The following PCDHGA1 variants were observed in gnomAD, a reference collection of about 807,000 sequenced individuals.
PCDHGA1 encodes the protein protocadherin gamma subfamily A, 1.
PCDHGA1 carries 32 observed loss-of-function variants against 58.0 expected under a neutral mutation model. That is an observed-to-expected ratio of 0.55 (90% CI 0.42 to 0.74). PCDHGA1 has a LOEUF of 0.74. Among genes scored for constraint, PCDHGA1 ranks in the 30% least tolerant of loss-of-function variants. PCDHGA1 has a pLI of 0.00. For synonymous variants in PCDHGA1, 498 were observed against 501.1 expected (o/e 0.99, Z 0.08); for missense variants, 1,205 against 1,182.3 (o/e 1.02, Z -0.28).
intron 1 of PCDHGA1, chr5:141,389,176 C>G (rs775758481): frequency 6.2e-7 from 1 of 1,614,064 alleles, no homozygotes; most frequent in South Asian, 1.1e-5. Flanking sequence ...CCTCCCCTCT[C>G]CTCCAGTTCC....
chr5:141,361,506 C>A (rs753696787), intron 1 of PCDHGA1: 2 of 1,614,046 alleles, frequency 1.2e-6, no homozygotes, highest in Non-Finnish European at 8.5e-7. Context: ...AGACTTCCTA[C>A]ATGGTTCACG....
At chr5:141,409,024 T>C (rs2095212064) in intron 1 of PCDHGA1, 2 of 1,613,988 alleles carry the variant, frequency 1.2e-6, no homozygotes, top group South Asian at 1.1e-5. Context: ...AGGGGGTCAA[T>C]GCTGAGATAA....
chr5:141,398,374 G>C (rs769693333), intron 1 of PCDHGA1: 3 of 1,438,680 alleles, frequency 2.1e-6, no homozygotes, highest in African/African-American at 1.4e-5. Flanking sequence ...AGAGAGCGGG[G>C]AGTTGCTTGT....
chr5:141,399,320 A>T (rs775357251), intron 1 of PCDHGA1: 2 of 1,614,010 alleles, frequency 1.2e-6, no homozygotes, highest in Non-Finnish European at 1.7e-6. Flanking sequence ...AAAAATTCGT[A>T]TAAGTTGGTA....
At chr5:141,348,065 T>A (rs1333454037) in intron 1 of PCDHGA1, among the ~76,000 whole-genome samples, 1 of 152,242 alleles carries the variant, frequency 6.6e-6, no homozygotes, top group Non-Finnish European at 1.5e-5. Flanking sequence ...TTTGTCATGT[T>A]CTACAACTTT....
rs780541121 is a variant in PCDHGA1 at position 141,477,533 on chromosome 5, G to T, written c.2422-17274G>T. ...TTACATTGAAGAAAACAACCTCCCCGGGGCTCCAATACTAAACCTAAGTGT... is the reference window on the plus strand; with the variant it reads ...TTACATTGAAGAAAACAACCTCCCCTGGGCTCCAATACTAAACCTAAGTGT... On this transcript the variant is annotated intron_variant, in intron 1 of 3. Coordinates refer to ENST00000517417, the MANE Select transcript of PCDHGA1 (RefSeq NM_018912.3). This position sits in a 1 kb window ranked among gnomAD's most constrained non-coding sequence, Gnocchi z 4.9. 6.2e-7 allele frequency: 1 copy of T among 1,614,010 alleles called. No homozygotes were observed. The highest frequency in any genetic ancestry group is 1.1e-5 in the South Asian group (1 of 91,066).
At chr5:141,506,351 A>G (rs1029519620) in intron 3 of PCDHGA1, among the ~76,000 whole-genome samples, 2 of 150,784 alleles carry the variant, frequency 1.3e-5, no homozygotes, top group African/African-American at 4.9e-5. Context: ...TGGGAGGCTG[A>G]GGCAGGAGAA....
rs1324577065 is a variant in PCDHGA1, at chr5:141,332,446, G to A, written c.1762G>A (p.Val588Met). 3.7e-6 allele frequency: 6 copies of A among 1,613,850 alleles called. No individual in the cohort carries two copies. The African/African-American group carries it at 8.0e-5, about 22-fold the overall frequency. ...CCTCTCCGCAGAGCCCGGCTACCTG[G>A]TGACCAAGGTGGTGGCGGTGGACAG... ...APLSAEPGYL[V>M]TKVVAVDRDS... Residue 588 changes from valine (V) to methionine (M), a missense_variant, in exon 1 of 4, where the codon GTG (valine) becomes ATG (methionine). Val to Met is a conservative substitution (Grantham distance 21). Coordinates refer to ENST00000517417, the MANE Select transcript of PCDHGA1 (RefSeq NM_018912.3). The surrounding 1 kb of genome is among the most constrained non-coding windows in gnomAD (Gnocchi z 4.6).
In PCDHGA1 at chr5:141,491,832, C is replaced by A; in HGVS notation, c.2422-2975C>A. On this transcript the variant is annotated intron_variant, in intron 1 of 3. Coordinates refer to ENST00000517417, the MANE Select transcript of PCDHGA1 (RefSeq NM_018912.3). The surrounding 1 kb of genome is among the most constrained non-coding windows in gnomAD (Gnocchi z 6.9). ...GTCGCTGGCTGCGCTCCACCCGATT[C>A]TCGGGATCATTGGACCGTTTGCGCG... 6.8e-7 allele frequency: 1 copy of A among 1,474,424 alleles called. No individual in the cohort carries two copies. 91.3% of individuals were successfully genotyped at this position (1,474,424 alleles called of 1,614,324 possible).
intron 1 of PCDHGA1, among the ~76,000 whole-genome samples, chr5:141,467,055 C>CTTTTTTTTTTTTTTTTTTT (rs1193465269): frequency 7.4e-6 from 1 of 134,498 alleles, no homozygotes; most frequent in Non-Finnish European, 1.6e-5. Context: ...TCAATGTTTT[C>CTTTTTTTTTTTTTTTTTTT]TTTTTTTTTT....
At chr5:141,357,270 ACTCTAT>A (rs1437213863) in intron 1 of PCDHGA1, 1 of 1,610,332 alleles carries the variant, frequency 6.2e-7, no homozygotes, top group East Asian at 2.2e-5. Context: ...CGGGCCTCAC[ACTCTAT>A]CTCGTGGTGG....
intron 1 of PCDHGA1, among the ~76,000 whole-genome samples, chr5:141,346,896 A>ATTT (rs1757825079): frequency 6.6e-6 from 1 of 152,226 alleles, no homozygotes; most frequent in Non-Finnish European, 1.5e-5. Flanking sequence ...GCTTATCCTG[A>ATTT]TACATACAAG....
chr5:141,486,637 G>T lies in PCDHGA1; in HGVS notation c.2422-8170G>T. On this transcript the variant is annotated intron_variant, in intron 1 of 3. Coordinates refer to ENST00000517417, the MANE Select transcript of PCDHGA1 (RefSeq NM_018912.3). This position sits in a 1 kb window ranked among gnomAD's most constrained non-coding sequence, Gnocchi z 5.0. ...CTGACCCAGACTCTGGCTTGAATGCGCTTATCTCCTACTCACTCCTGGAGC... is the reference window on the plus strand; with the variant it reads ...CTGACCCAGACTCTGGCTTGAATGCTCTTATCTCCTACTCACTCCTGGAGC... 6.2e-7 allele frequency: 1 copy of T among 1,613,638 alleles called. No homozygotes were observed. The highest frequency in any genetic ancestry group is 8.5e-7 in the Non-Finnish European group (1 of 1,180,034).
At chr5:141,397,858 C>G in intron 1 of PCDHGA1, 2 of 559,034 alleles carry the variant, frequency 3.6e-6, no homozygotes, top group South Asian at 2.6e-5. Context: ...GCTGTAGTTT[C>G]CTAGTGCTGA....
intron 1 of PCDHGA1, chr5:141,393,678 A>T: frequency 6.2e-7 from 1 of 1,613,904 alleles, no homozygotes; most frequent in Non-Finnish European, 8.5e-7. Context: ...TGAAAAACAA[A>T]CTCCGTTATT....
chr5:141,428,618 T>G (rs554092834), intron 1 of PCDHGA1: 12 of 206,130 alleles, frequency 5.8e-5, no homozygotes, highest in Admixed American at 2.6e-4. Context: ...AATAACAAGA[T>G]AAGCTCTAAC....
chr5:141,448,122 C>A (rs1315243727), intron 1 of PCDHGA1, among the ~76,000 whole-genome samples: 1 of 151,820 alleles, frequency 6.6e-6, no homozygotes, highest in Non-Finnish European at 1.5e-5. Context: ...AAATTAGCCT[C>A]CCCCACCCTC....
intron 1 of PCDHGA1, chr5:141,356,820 T>C: frequency 1.2e-6 from 2 of 1,614,068 alleles, no homozygotes; most frequent in South Asian, 2.2e-5. Flanking sequence ...GTGGAGACCC[T>C]CCACTCAGCA....
intron 1 of PCDHGA1, chr5:141,370,872 C>A (rs201155008): frequency 6.2e-7 from 1 of 1,614,014 alleles, no homozygotes; most frequent in Admixed American, 1.7e-5. Flanking sequence ...TGCGCAAGAT[C>A]CTGATGTAGG....
Sources: gnomAD v4.1 joint callset for allele counts (sites outside exome capture counted in the v4.1 genomes callset) on GRCh38, gnomAD v4.1.1 for gene constraint, Gnocchi (gnomAD v3.1) non-coding constraint, MANE v1.5 for transcripts, NCBI Gene and HGNC (gene_info 2026-07-23, HGNC 2026-07-21) for gene names.